Variants in RIMS1 observed in about 807,000 individuals in gnomAD.
The protein encoded by RIMS1 is regulating synaptic membrane exocytosis 1.
Under a neutral mutation model 214.1 loss-of-function variants are expected in RIMS1, and 83 were observed. The ratio of observed to expected loss-of-function variants is 0.39; its 90% CI spans 0.32 to 0.47. The LOEUF is 0.47. Ranked by LOEUF, RIMS1 falls within the 20% of genes least tolerant of loss-of-function variation. The pLI is 0.99. For synonymous variants in RIMS1, 793 were observed against 786.8 expected, an observed-to-expected ratio of 1.01 and a Z score of -0.13; for missense variants, 2,050 against 2,161.8, an observed-to-expected ratio of 0.95 and a Z score of 1.03.
At chr6:71,963,006 G>A (rs1793402424) in intron 1 of RIMS1, among the ~76,000 whole-genome samples, 1 of 152,070 alleles carries the variant, frequency 6.6e-6, no homozygotes, top group Non-Finnish European at 1.5e-5. Context: ...AATATTTCGT[G>A]AATATGGTCT....
chr6:72,342,371 G>A (rs1017391635), intron 29 of RIMS1, among the ~76,000 whole-genome samples: 1 of 151,368 alleles, frequency 6.6e-6, no homozygotes, highest in Admixed American at 6.6e-5. Context: ...AGCCCAAGGG[G>A]ATAGGGCTAA....
intron 2 of RIMS1, among the ~76,000 whole-genome samples, chr6:72,027,368 T>C (rs1304125063): frequency 3.9e-5 from 6 of 152,162 alleles, no homozygotes; most frequent in Admixed American, 6.5e-5. Flanking sequence ...GAATGAGCTA[T>C]ACAAAATGAT....
At chr6:72,299,903 G>C (rs1369835356) in intron 26 of RIMS1, among the ~76,000 whole-genome samples, 12 of 151,702 alleles carry the variant, frequency 7.9e-5, no homozygotes, top group Non-Finnish European at 3.0e-5. Context: ...TTTATTAGTA[G>C]TAGTAGATGC....
chr6:72,034,917 G>A (rs1819191022), intron 2 of RIMS1, among the ~76,000 whole-genome samples: 3 of 152,076 alleles, frequency 2.0e-5, no homozygotes, highest in African/African-American at 7.2e-5. Flanking sequence ...TTGAATACAA[G>A]AACTTTGAAA....
In RIMS1 at chr6:72,182,347, C is replaced by T. The variant is rs776775023; in HGVS notation, c.876C>T (p.Arg292=). 7 of 1,612,860 alleles carry T rather than the reference C, an allele frequency of 4.3e-6. No individual in the cohort carries two copies. The East Asian group carries it at 1.3e-4, about 31-fold the overall frequency. Residue 292 remains arginine, a synonymous_variant, in exon 6 of 34, where the codon CGC becomes CGT. Transcript: ENST00000521978. ...GKGALKSERK[R]VPKTSAQPVE... is the part of the protein sequence containing the mutation. ...GAGCCCTGAAGAGCGAGCGGAAACG[C>T]GTGCCAAAGACCTCAGCGCAGCCCG...
intron 29 of RIMS1, among the ~76,000 whole-genome samples, chr6:72,384,854 A>G (rs556759876): frequency 6.6e-6 from 1 of 152,162 alleles, no homozygotes; most frequent in Non-Finnish European, 1.5e-5. Flanking sequence ...TGCCTGTATC[A>G]TAGGTTCTTG....
At chr6:72,271,598 G>A (rs553931236) in intron 22 of RIMS1, among the ~76,000 whole-genome samples, 6 of 152,080 alleles carry the variant, frequency 3.9e-5, no homozygotes, top group African/African-American at 1.4e-4. Context: ...GCAAGTACAG[G>A]TATTAATAAT....
intron 28 of RIMS1, among the ~76,000 whole-genome samples, chr6:72,321,003 C>T (rs1366382572): frequency 6.6e-6 from 1 of 152,092 alleles, no homozygotes; most frequent in Non-Finnish European, 1.5e-5. Flanking sequence ...CAGCTAGACT[C>T]TCTTAAAGCA....
At chr6:72,202,778 A>G (rs1055205300) in intron 6 of RIMS1, among the ~76,000 whole-genome samples, 2 of 152,148 alleles carry the variant, frequency 1.3e-5, no homozygotes, top group Non-Finnish European at 2.9e-5. Flanking sequence ...GATCATGAGG[A>G]CATAAATAAG....
At chr6:72,003,980 T>C (rs1343436304) in intron 2 of RIMS1, among the ~76,000 whole-genome samples, 3 of 149,676 alleles carry the variant, frequency 2.0e-5, no homozygotes, top group Admixed American at 6.6e-5. Context: ...TAACTCGTCA[T>C]TTAGCATTAG....
chr6:72,088,203 AT>A lies in RIMS1; in HGVS notation c.246-8742del, dbSNP rs949951543. Among the ~76,000 whole-genome samples, 4 of 149,382 alleles carry A rather than the reference AT, an allele frequency of 2.7e-5. No individual in the cohort carries two copies. In the Admixed American group the frequency reaches 2.7e-4, roughly 10 times the overall value. ...CCAAACTTCACTTGCATTAATTTTT[AT>A]TTTATTTATTTACTTTATTTATTTA... On this transcript the variant is annotated intron_variant, in intron 2 of 33. Transcript: ENST00000521978.
intron 4 of RIMS1, among the ~76,000 whole-genome samples, chr6:72,170,704 A>C (rs1328542441): frequency 6.6e-6 from 1 of 151,982 alleles, no homozygotes; most frequent in Non-Finnish European, 1.5e-5. Flanking sequence ...ATTTTTGTCT[A>C]TTTTTTTCAG....
At chr6:71,994,111 G>T (rs990049585) in intron 2 of RIMS1, among the ~76,000 whole-genome samples, 2 of 152,124 alleles carry the variant, frequency 1.3e-5, no homozygotes, top group Admixed American at 1.3e-4. Context: ...AAGACAGCTC[G>T]TGGGAGATGG....
At chr6:72,283,740 G>A (rs982669478) in intron 23 of RIMS1, among the ~76,000 whole-genome samples, 2 of 152,102 alleles carry the variant, frequency 1.3e-5, no homozygotes, top group African/African-American at 2.4e-5. Context: ...CATCAGCAGA[G>A]GCCGAGTTGC....
At chr6:72,185,435 AG>A (rs1175127428) in intron 6 of RIMS1, among the ~76,000 whole-genome samples, 1 of 152,208 alleles carries the variant, frequency 6.6e-6, no homozygotes, top group Non-Finnish European at 1.5e-5. Flanking sequence ...TGAAAAAAAA[AG>A]GTGTGGGGTG....
At chr6:72,121,137 C>T (rs539858774) in intron 4 of RIMS1, among the ~76,000 whole-genome samples, 1 of 151,854 alleles carries the variant, frequency 6.6e-6, no homozygotes, top group Admixed American at 6.6e-5. Flanking sequence ...GCAACATGGT[C>T]TCTTTTTCAG....
chr6:72,126,537 A>G (rs1024478084), intron 4 of RIMS1, among the ~76,000 whole-genome samples: 2 of 152,088 alleles, frequency 1.3e-5, no homozygotes, highest in Admixed American at 6.5e-5. Context: ...CAAAGGACTA[A>G]TATCCTAAAT....
chr6:72,257,347 C>A (rs527583918), intron 16 of RIMS1, among the ~76,000 whole-genome samples: 3 of 151,760 alleles, frequency 2.0e-5, no homozygotes, highest in Non-Finnish European at 2.9e-5. Flanking sequence ...CAATATAAAC[C>A]TTTTTACTTC....
intron 1 of RIMS1, among the ~76,000 whole-genome samples, chr6:71,911,372 AG>A (rs2150595462): frequency 6.6e-6 from 1 of 152,272 alleles, no homozygotes; most frequent in Admixed American, 6.5e-5. Flanking sequence ...GGAGAGAATT[AG>A]AATGGTAAAT....
Sources: allele counts gnomAD v4.1 joint callset (sites outside exome capture counted in the v4.1 genomes callset), GRCh38; gene constraint gnomAD v4.1.1; transcripts MANE v1.5; gene names NCBI Gene and HGNC (gene_info 2026-07-23, HGNC 2026-07-21).